The following RGS6 variants were observed in gnomAD, a reference collection of about 807,000 sequenced individuals.
The protein encoded by RGS6 is regulator of G-protein signaling 6.
Under a neutral mutation model 78.5 loss-of-function variants are expected in RGS6, and 30 were observed. The ratio of observed to expected loss-of-function variants is 0.38; its 90% CI spans 0.29 to 0.52. The LOEUF (loss-of-function observed/expected upper bound fraction) is 0.52. Ranked by LOEUF, RGS6 falls within the 20% of genes least tolerant of loss-of-function variation. RGS6 has a pLI of 0.85. For synonymous variants in RGS6, 206 were observed against 206.0 expected, an observed-to-expected ratio of 1.00 and a Z score of 0.00; for missense variants, 495 against 609.7, an observed-to-expected ratio of 0.81 and a Z score of 1.98.
In RGS6 at chr14:72,510,288, C is replaced by G; in HGVS notation, c.1091+9C>G. ...AGTTCAGAAAACCTCAGGTAAATCT[C>G]TCAAAGTTTGAGCTGTGTGCGGAAT... On this transcript the variant is annotated intron_variant, in intron 14 of 17. Transcript: ENST00000553525. 6.2e-7 allele frequency: 1 copy of G among 1,614,126 alleles called. No individual in the cohort carries two copies. Among genetic ancestry groups the G allele is most frequent in the Non-Finnish European group, 8.5e-7 (1 of 1,180,018 alleles).
At chr14:72,136,046 C>G (rs1046929447) in intron 2 of RGS6, among the ~76,000 whole-genome samples, 1 of 152,210 alleles carries the variant, frequency 6.6e-6, no homozygotes, top group African/African-American at 2.4e-5. Context: ...ATTTGCCTGA[C>G]AGTTATCATT....
chr14:72,090,961 G>A (rs1415853562), intron 2 of RGS6, among the ~76,000 whole-genome samples: 1 of 151,690 alleles, frequency 6.6e-6, no homozygotes, highest in Non-Finnish European at 1.5e-5. Flanking sequence ...CTCCTGGTGG[G>A]CTATCTCTGT....
At chr14:72,541,334 C>T in intron 17 of RGS6, 2 of 1,332,336 alleles carry the variant, frequency 1.5e-6, no homozygotes, top group Non-Finnish European at 2.0e-6. Flanking sequence ...ATTTTAAGTG[C>T]ATTTAAACAT....
chr14:71,898,550 G>T, the RGS6 span, among the ~76,000 whole-genome samples: 1 of 152,214 alleles, frequency 6.6e-6, no homozygotes, highest in Non-Finnish European at 1.5e-5. Flanking sequence ...TGCAGAACGT[G>T]CAGGTTTGTT....
chr14:71,886,480 G>A, the RGS6 span, among the ~76,000 whole-genome samples: 3 of 152,188 alleles, frequency 2.0e-5, no homozygotes, highest in African/African-American at 4.8e-5. Flanking sequence ...CAGTAATACA[G>A]TGTTTGAGTT....
chr14:71,884,133 A>G, the RGS6 span, among the ~76,000 whole-genome samples: 13 of 152,288 alleles, frequency 8.5e-5, no homozygotes, highest in South Asian at 2.3e-3. Flanking sequence ...ACCCCTTTCC[A>G]GTAACAGCTT....
chr14:71,953,218 G>C (rs2238283), intron 1 of RGS6, among the ~76,000 whole-genome samples: 14,338 of 152,068 alleles, frequency 0.094, 939 homozygotes, highest in East Asian at 0.2. Flanking sequence ...GACCTTCCCA[G>C]GTCTTAGTGC....
the RGS6 span, among the ~76,000 whole-genome samples, chr14:72,579,983 A>T: frequency 2.0e-5 from 3 of 152,198 alleles, no homozygotes; most frequent in Non-Finnish European, 4.4e-5. Context: ...CCCAGGGGGA[A>T]TAATATCAGC....
intron 2 of RGS6, among the ~76,000 whole-genome samples, chr14:72,133,828 A>T (rs1448588793): frequency 1.3e-5 from 2 of 152,010 alleles, no homozygotes; most frequent in African/African-American, 4.8e-5. Context: ...AGGGACACGC[A>T]TCTACGTGAT....
chr14:72,587,973 T>C, the RGS6 span, among the ~76,000 whole-genome samples: 1 of 152,272 alleles, frequency 6.6e-6, no homozygotes, highest in East Asian at 1.9e-4. Flanking sequence ...ACCAGATGTC[T>C]TGGGGAGGCT....
At chr14:72,527,150 G>C (rs1328206973) in intron 15 of RGS6, among the ~76,000 whole-genome samples, 1 of 152,192 alleles carries the variant, frequency 6.6e-6, no homozygotes, top group Non-Finnish European at 1.5e-5. Flanking sequence ...GCCATCCCTG[G>C]TGTCTTGGCC....
intron 3 of RGS6, among the ~76,000 whole-genome samples, chr14:72,376,838 CT>C (rs1365342185): frequency 6.6e-6 from 1 of 152,150 alleles, no homozygotes; most frequent in East Asian, 1.9e-4. Context: ...TTAAGAGAGT[CT>C]TACATCTAGA....
intron 2 of RGS6, among the ~76,000 whole-genome samples, chr14:72,067,574 G>C (rs2094211242): frequency 6.6e-6 from 1 of 152,080 alleles, no homozygotes; most frequent in African/African-American, 2.4e-5. Context: ...TAATATTTCT[G>C]TAGTGAAACT....
At chr14:72,537,593 C>A in intron 16 of RGS6, 1 of 702,204 alleles carries the variant, frequency 1.4e-6, no homozygotes, top group Non-Finnish European at 2.6e-6. Flanking sequence ...AATGGAGGGG[C>A]TCCTTTGGAG....
intron 12 of RGS6, among the ~76,000 whole-genome samples, chr14:72,494,869 C>A (rs2096624033): frequency 6.6e-6 from 1 of 151,986 alleles, no homozygotes; most frequent in African/African-American, 2.4e-5. Flanking sequence ...CTAGCATAAC[C>A]AGGGAGAGAT....
At chr14:72,039,425 C>T (rs1295567052) in intron 2 of RGS6, among the ~76,000 whole-genome samples, 1 of 151,990 alleles carries the variant, frequency 6.6e-6, no homozygotes, top group Middle Eastern at 3.2e-3. Context: ...ATGAATTGGC[C>T]CTTTTATTGT....
Position 72,562,524 on chromosome 14 carries a change from C to A in RGS6, c.*57C>A. 1.2e-6 allele frequency: 2 copies of A among 1,603,452 alleles called. No individual in the cohort carries two copies. Among genetic ancestry groups the A allele is most frequent in the Middle Eastern group, 3.4e-4 (2 of 5,944 alleles). On this transcript the variant is annotated 3_prime_UTR_variant, in exon 18 of 18. Transcript: ENST00000553525. The stretch of plus-strand genomic sequence containing the variant: ...CGCGGACCCCACAGGCAGGCGGCGG[C>A]GCTCCACATCTGCGGACAGAGTTTC...
intron 2 of RGS6, among the ~76,000 whole-genome samples, chr14:72,108,088 C>A (rs527805126): frequency 6.6e-6 from 1 of 152,202 alleles, no homozygotes; most frequent in Non-Finnish European, 1.5e-5. Flanking sequence ...CTTGGTTGTC[C>A]AAAGCTCATT....
chr14:72,502,813 A>G (rs1598408704), intron 13 of RGS6, among the ~76,000 whole-genome samples: 3 of 152,172 alleles, frequency 2.0e-5, no homozygotes, highest in Admixed American at 2.0e-4. Flanking sequence ...ACCACTCTTC[A>G]TTGGAGTATT....
Sources: gnomAD v4.1 joint callset for allele counts (sites outside exome capture counted in the v4.1 genomes callset) on GRCh38, gnomAD v4.1.1 for gene constraint, MANE v1.5 for transcripts, NCBI Gene and HGNC (gene_info 2026-07-23, HGNC 2026-07-21) for gene names.